Variants in HHAT observed in about 807,000 individuals in gnomAD.
The protein encoded by HHAT is hedgehog acyltransferase.
Under a neutral mutation model 70.8 loss-of-function variants are expected in HHAT, and 47 were observed. The observed-to-expected ratio is 0.66, with a 90% confidence interval of 0.53 to 0.85. The LOEUF is 0.85. Ranked by LOEUF, HHAT falls within the 40% of genes least tolerant of loss-of-function variation. The pLI, the probability that HHAT is intolerant of heterozygous loss-of-function variation, is 0.00. For missense variants in HHAT, 609 were observed against 604.8 expected, an observed-to-expected ratio of 1.01 and a Z score of -0.07; for synonymous variants, 228 against 247.6, an observed-to-expected ratio of 0.92 and a Z score of 0.74.
chr1:210,501,634 C>T (rs1373237453), intron 8 of HHAT, among the ~76,000 whole-genome samples: 2 of 152,024 alleles, frequency 1.3e-5, no homozygotes, highest in African/African-American at 4.8e-5. Flanking sequence ...CAGTCCTGTC[C>T]CCAGCTGCTC....
intron 8 of HHAT, among the ~76,000 whole-genome samples, chr1:210,505,512 C>T (rs1002622140): frequency 1.3e-5 from 2 of 152,146 alleles, no homozygotes; most frequent in African/African-American, 4.8e-5. Flanking sequence ...GAGGTTAGGG[C>T]AGATACACTT....
At chr1:210,630,550 T>C (rs1320769698) in intron 11 of HHAT, among the ~76,000 whole-genome samples, 1 of 152,226 alleles carries the variant, frequency 6.6e-6, no homozygotes, top group East Asian at 1.9e-4. Context: ...AAGGGTGGTG[T>C]TGAGGACTGC....
rs2090436778 is a variant in HHAT, at chr1:210,379,019, T to A, written c.160-8449T>A. Among the ~76,000 whole-genome samples the A allele has an allele frequency of 2.0e-5, 3 of 152,200 alleles. No homozygotes were observed. The South Asian group carries it at 6.2e-4, about 32-fold the overall frequency. The stretch of plus-strand genomic sequence containing the variant: ...GAATTATTGCAGGGATTTAAAGACA[T>A]TTGAGAATAATAGAAAAACCTGTAG... On this transcript the variant is annotated intron_variant, in intron 3 of 11. Coordinates refer to ENST00000261458, the MANE Select transcript of HHAT (RefSeq NM_018194.6).
At chr1:210,578,852 G>GTAT (rs1294222816) in intron 9 of HHAT, among the ~76,000 whole-genome samples, 2 of 152,164 alleles carry the variant, frequency 1.3e-5, no homozygotes, top group African/African-American at 4.8e-5. Flanking sequence ...AACTCCACAT[G>GTAT]TATGTAGATG....
At chr1:210,580,896 G>A (rs911533900) in intron 9 of HHAT, among the ~76,000 whole-genome samples, 36 of 152,282 alleles carry the variant, frequency 2.4e-4, no homozygotes, top group African/African-American at 6.7e-4. Context: ...TCGAAGAATT[G>A]CCATACTATC....
chr1:210,422,829 G>T (rs2092947016), intron 7 of HHAT, among the ~76,000 whole-genome samples: 1 of 152,038 alleles, frequency 6.6e-6, no homozygotes, highest in Admixed American at 6.6e-5. Context: ...TAGAGACGGG[G>T]TTTCACCACG....
At chr1:210,601,970 A>AGAGT (rs1553294014) in intron 10 of HHAT, among the ~76,000 whole-genome samples, 4 of 149,478 alleles carry the variant, frequency 2.7e-5, no homozygotes, top group South Asian at 2.1e-4. Context: ...TGTGTGTGAG[A>AGAGT]GTGTGTGTGT....
At chr1:210,594,886 C>T (rs941204381) in intron 10 of HHAT, among the ~76,000 whole-genome samples, 17 of 152,092 alleles carry the variant, frequency 1.1e-4, no homozygotes, top group African/African-American at 4.1e-4. Flanking sequence ...GTAAGGTTTC[C>T]ATTGAAAAAT....
intron 6 of HHAT, among the ~76,000 whole-genome samples, chr1:210,415,633 G>C (rs1299543739): frequency 6.6e-6 from 1 of 151,920 alleles, no homozygotes; most frequent in Non-Finnish European, 1.5e-5. Flanking sequence ...GAAACAAAAG[G>C]CAAAAGGGAA....
chr1:210,654,118 GTGACAGCAGAATAGT>G, intron 11 of HHAT, among the ~76,000 whole-genome samples: 1 of 150,916 alleles, frequency 6.6e-6, no homozygotes, highest in Non-Finnish European at 1.5e-5. Flanking sequence ...GCAGAATAGT[GTGACAGCAGAATAGT>G]GTGATGGGAA....
chr1:210,345,592 T>A (rs1362692924), intron 1 of HHAT, among the ~76,000 whole-genome samples: 10 of 152,268 alleles, frequency 6.6e-5, no homozygotes, highest in Admixed American at 6.5e-4. Flanking sequence ...TTTCAGTGTT[T>A]ACTATTAGAA....
intron 8 of HHAT, among the ~76,000 whole-genome samples, chr1:210,480,070 A>T (rs2094369633): frequency 6.6e-6 from 1 of 152,146 alleles, no homozygotes; most frequent in Non-Finnish European, 1.5e-5. Flanking sequence ...TCTGTTTGTT[A>T]CTGGACATTC....
chr1:210,408,920 G>T (rs2092431335), intron 6 of HHAT, among the ~76,000 whole-genome samples: 1 of 152,168 alleles, frequency 6.6e-6, no homozygotes, highest in Non-Finnish European at 1.5e-5. Flanking sequence ...GGAGTGCAAT[G>T]GTGCAATCAT....
At position 210,405,526 on chromosome 1, in the gene HHAT, G is replaced by A. The variant is rs1411652726; in HGVS notation, c.684+847G>A. Among the ~76,000 whole-genome samples, 6 of 152,042 alleles carry A rather than the reference G, an allele frequency of 3.9e-5. No individual in the cohort carries two copies. In the South Asian group the frequency reaches 1.0e-3, roughly 26 times the overall value. ...TGCATACACAGACATGCATGCACAC[G>A]CAGAACACATACCCACGCATACGCA... On this transcript the variant is annotated intron_variant, in intron 6 of 11. Transcript: ENST00000261458.
intron 10 of HHAT, among the ~76,000 whole-genome samples, chr1:210,596,062 G>T (rs1662924973): frequency 6.6e-6 from 1 of 152,138 alleles, no homozygotes; most frequent in African/African-American, 2.4e-5. Flanking sequence ...GTCCTGAATG[G>T]TATTGCCTAG....
chr1:210,606,972 A>G (rs1665582254), intron 10 of HHAT, among the ~76,000 whole-genome samples: 1 of 152,176 alleles, frequency 6.6e-6, no homozygotes, highest in Non-Finnish European at 1.5e-5. Flanking sequence ...TACTGTGCCC[A>G]TTGTCCCTGC....
intron 9 of HHAT, among the ~76,000 whole-genome samples, chr1:210,568,340 TAAC>T (rs2148726577): frequency 6.6e-6 from 1 of 152,308 alleles, no homozygotes; most frequent in South Asian, 2.1e-4. Context: ...ATCTTTATAA[TAAC>T]AATTTAGGGT....
intron 8 of HHAT, among the ~76,000 whole-genome samples, chr1:210,467,430 C>T (rs898013922): frequency 2.0e-5 from 3 of 152,192 alleles, no homozygotes; most frequent in Non-Finnish European, 4.4e-5. Flanking sequence ...CATTCTCTAA[C>T]TTTTCTCTTT....
chr1:210,496,785 A>G (rs781600856), intron 8 of HHAT, among the ~76,000 whole-genome samples: 4 of 152,200 alleles, frequency 2.6e-5, no homozygotes, highest in Non-Finnish European at 4.4e-5. Flanking sequence ...AGTGACTTTT[A>G]CAGTGAAGCA....
Sources: gnomAD v4.1 joint callset for allele counts (sites outside exome capture counted in the v4.1 genomes callset) on GRCh38, gnomAD v4.1.1 for gene constraint, MANE v1.5 for transcripts, NCBI Gene and HGNC (gene_info 2026-07-23, HGNC 2026-07-21) for gene names.